The following SPAG16 variants were observed in gnomAD, a reference collection of about 807,000 sequenced individuals.
SPAG16 encodes the protein sperm associated antigen 16.
Under a neutral mutation model 80.4 loss-of-function variants are expected in SPAG16, and 86 were observed. The ratio of observed to expected loss-of-function variants is 1.07; its 90% CI spans 0.90 to 1.28. The LOEUF (loss-of-function observed/expected upper bound fraction) is 1.28, where lower values mean the gene tolerates loss of function less well. Ranked by LOEUF, SPAG16 falls within the 50% of genes most tolerant of loss-of-function variation. The probability of loss-of-function intolerance (pLI) is 0.00; values close to 1 mark genes in which losing one functional copy is unlikely to be tolerated. For synonymous variants in SPAG16, 294 were observed against 265.9 expected, an observed-to-expected ratio of 1.11 and a Z score of -1.03; for missense variants, 870 against 765.3, an observed-to-expected ratio of 1.14 and a Z score of -1.61.
chr2:213,412,144 A>G (rs1177177818), intron 9 of SPAG16, among the ~76,000 whole-genome samples: 1 of 151,968 alleles, frequency 6.6e-6, no homozygotes, highest in African/African-American at 2.4e-5. Context: ...GCTCCACCCT[A>G]ACACATTCTG....
Position 214,124,570 on chromosome 2 carries a change from A to G in SPAG16, c.1593+16309A>G, listed in dbSNP as rs182784321. ...AACATTGTTTTTGAAGCACATAATTAGAGCAAAAATAATTGTCACACCAAT... is the reference window on the plus strand; with the variant it reads ...AACATTGTTTTTGAAGCACATAATTGGAGCAAAAATAATTGTCACACCAAT... On this transcript the variant is annotated intron_variant, in intron 14 of 15. Coordinates refer to ENST00000331683, the MANE Select transcript of SPAG16 (RefSeq NM_024532.5). Among the ~76,000 whole-genome samples the G allele has an allele frequency of 1.2e-4, 18 of 152,026 alleles. No homozygotes were observed. In the East Asian group the frequency reaches 3.5e-3, roughly 29 times the overall value.
intron 13 of SPAG16, among the ~76,000 whole-genome samples, chr2:214,064,677 G>A (rs759184056): frequency 2.0e-4 from 31 of 151,990 alleles, no homozygotes; most frequent in Admixed American, 4.6e-4. Flanking sequence ...GATTTCAGCT[G>A]TTCATTTGAT....
intron 10 of SPAG16, among the ~76,000 whole-genome samples, chr2:213,603,699 A>G (rs984884842): frequency 3.9e-5 from 6 of 152,332 alleles, no homozygotes; most frequent in African/African-American, 1.4e-4. Context: ...GATGAGATCT[A>G]TTCATAAAAT....
At chr2:213,292,159 A>G (rs577089783) in intron 1 of SPAG16, among the ~76,000 whole-genome samples, 2 of 152,312 alleles carry the variant, frequency 1.3e-5, no homozygotes, top group South Asian at 4.1e-4. Flanking sequence ...ACAACTTTAA[A>G]GTCTATCCAG....
intron 12 of SPAG16, among the ~76,000 whole-genome samples, chr2:213,972,111 A>C (rs2045097418): frequency 6.6e-6 from 1 of 151,750 alleles, no homozygotes; most frequent in African/African-American, 2.4e-5. Flanking sequence ...ATACTCTTTC[A>C]GTTACCATTG....
chr2:214,197,062 G>T (rs1039179137), intron 15 of SPAG16, among the ~76,000 whole-genome samples: 1 of 151,998 alleles, frequency 6.6e-6, no homozygotes, highest in Non-Finnish European at 1.5e-5. Context: ...ACAGAAGACA[G>T]GTACACCTGC....
intron 10 of SPAG16, among the ~76,000 whole-genome samples, chr2:213,786,018 AAG>A (rs1402421289): frequency 6.6e-6 from 1 of 152,130 alleles, no homozygotes; most frequent in Non-Finnish European, 1.5e-5. Flanking sequence ...AAAAAAAAAA[AAG>A]AATTTTATAT....
chr2:214,013,920 C>T, intron 12 of SPAG16, 31 bp from the exon 13 acceptor site: 1 of 1,605,412 alleles, frequency 6.2e-7, no homozygotes, highest in Non-Finnish European at 8.5e-7. Context: ...TAGATACTAA[C>T]TCCTAAAATT....
intron 10 of SPAG16, among the ~76,000 whole-genome samples, chr2:213,546,504 A>G (rs1575920649): frequency 6.6e-6 from 1 of 152,214 alleles, no homozygotes. Flanking sequence ...CAAACATGTA[A>G]TAATCACAAT....
At chr2:214,338,588 T>A (rs989666793) in intron 15 of SPAG16, among the ~76,000 whole-genome samples, 2 of 152,224 alleles carry the variant, frequency 1.3e-5, no homozygotes, top group Non-Finnish European at 2.9e-5. Context: ...CCTTCTATCT[T>A]TTGTTTCTCT....
intron 3 of SPAG16, among the ~76,000 whole-genome samples, chr2:213,302,919 A>G (rs1252950692): frequency 6.6e-6 from 1 of 152,058 alleles, no homozygotes; most frequent in African/African-American, 2.4e-5. Flanking sequence ...TGTCTTTAGA[A>G]ATGAGAATAG....
intron 5 of SPAG16, among the ~76,000 whole-genome samples, chr2:213,328,629 G>C (rs909403463): frequency 1.3e-5 from 2 of 152,094 alleles, no homozygotes; most frequent in African/African-American, 4.8e-5. Flanking sequence ...CACTAGGGAG[G>C]TCTTGTGTAC....
At chr2:214,291,552 G>C (rs548277624) in intron 15 of SPAG16, among the ~76,000 whole-genome samples, 3 of 151,674 alleles carry the variant, frequency 2.0e-5, no homozygotes, top group Non-Finnish European at 4.4e-5. Flanking sequence ...TGATCCGCCC[G>C]CCTCGGCCTC....
chr2:213,526,507 G>C (rs971932056), intron 10 of SPAG16, among the ~76,000 whole-genome samples: 2 of 152,002 alleles, frequency 1.3e-5, no homozygotes, highest in African/African-American at 4.8e-5. Context: ...CACCCCTTTG[G>C]CTCTGATCTG....
intron 13 of SPAG16, among the ~76,000 whole-genome samples, chr2:214,062,549 A>G (rs1432377931): frequency 6.6e-6 from 1 of 151,922 alleles, no homozygotes; most frequent in African/African-American, 2.4e-5. Context: ...CAATCTTTTC[A>G]GATGGTGAGA....
chr2:213,300,253 C>A (rs183150794), intron 3 of SPAG16, among the ~76,000 whole-genome samples: 86 of 152,224 alleles, frequency 5.6e-4, no homozygotes, highest in African/African-American at 2.0e-3. Flanking sequence ...CCTCCTCTTT[C>A]TTCTCCCTTC....
chr2:214,277,297 T>C (rs1692543323), intron 15 of SPAG16, among the ~76,000 whole-genome samples: 1 of 152,222 alleles, frequency 6.6e-6, no homozygotes, highest in Non-Finnish European at 1.5e-5. Context: ...CGTCAACTCG[T>C]CAAAGTTATT....
At chr2:213,558,597 A>T (rs1011491932) in intron 10 of SPAG16, among the ~76,000 whole-genome samples, 1 of 152,058 alleles carries the variant, frequency 6.6e-6, no homozygotes, top group Non-Finnish European at 1.5e-5. Flanking sequence ...GTATATTTTT[A>T]AAAAAGAAAC....
chr2:214,086,305 A>G (rs1230617248), intron 13 of SPAG16, among the ~76,000 whole-genome samples: 1 of 152,204 alleles, frequency 6.6e-6, no homozygotes, highest in Non-Finnish European at 1.5e-5. Context: ...AGATAACTAT[A>G]TGTTTAGTCA....
Sources: allele counts gnomAD v4.1 joint callset (sites outside exome capture counted in the v4.1 genomes callset), GRCh38; gene constraint gnomAD v4.1.1; transcripts MANE v1.5; gene names NCBI Gene and HGNC (gene_info 2026-07-23, HGNC 2026-07-21).